Variants in KHDRBS2 observed in about 807,000 individuals in gnomAD.
KHDRBS2 encodes the protein KH RNA binding domain containing, signal transduction associated 2, also known as KH domain-containing, RNA-binding, signal transduction-associated protein 2.
A neutral mutation model predicts 44.3 loss-of-function variants in KHDRBS2; 26 were observed. The observed-to-expected ratio is 0.59, with a 90% confidence interval of 0.43 to 0.81. KHDRBS2 has a LOEUF of 0.81. Among genes scored for constraint, KHDRBS2 ranks in the 40% least tolerant of loss-of-function variants. The pLI is 0.00. For synonymous variants in KHDRBS2, 194 were observed against 151.1 expected, an observed-to-expected ratio of 1.28 and a Z score of -2.08; for missense variants, 476 against 433.1, an observed-to-expected ratio of 1.10 and a Z score of -0.88.
intron 6 of KHDRBS2, among the ~76,000 whole-genome samples, chr6:61,776,357 C>T (rs1388285851): frequency 6.6e-6 from 1 of 151,984 alleles, no homozygotes; most frequent in East Asian, 1.9e-4. Context: ...AACAGGCAAC[C>T]TACAAAATGG....
chr6:61,738,457 A>G (rs1472983664), intron 6 of KHDRBS2, among the ~76,000 whole-genome samples: 1 of 151,976 alleles, frequency 6.6e-6, no homozygotes, highest in Non-Finnish European at 1.5e-5. Flanking sequence ...ACAAGTCCTT[A>G]TAGGATCCTT....
intron 6 of KHDRBS2, among the ~76,000 whole-genome samples, chr6:61,888,330 C>T (rs1442936352): frequency 1.3e-5 from 2 of 152,126 alleles, no homozygotes; most frequent in African/African-American, 4.8e-5. Context: ...GGCTGAATGC[C>T]ATTTTCCCAC....
chr6:62,100,964 T>C (rs1473104926), intron 2 of KHDRBS2, among the ~76,000 whole-genome samples: 1 of 152,176 alleles, frequency 6.6e-6, no homozygotes, highest in Admixed American at 6.5e-5. Flanking sequence ...AGAATAAACA[T>C]TCAACACTCA....
intron 3 of KHDRBS2, among the ~76,000 whole-genome samples, chr6:62,015,667 T>G (rs1314897876): frequency 6.6e-6 from 1 of 152,122 alleles, no homozygotes; most frequent in Admixed American, 6.6e-5. Context: ...TACTCAGAGA[T>G]ACACAAAGCA....
chr6:61,676,403 G>T (rs1435167155), downstream of KHDRBS2, among the ~76,000 whole-genome samples: 1 of 151,798 alleles, frequency 6.6e-6, no homozygotes, highest in Non-Finnish European at 1.5e-5. Flanking sequence ...ATTTTGATCA[G>T]AAGTTCCTTT....
At chr6:62,041,687 T>C (rs1205021550) in intron 3 of KHDRBS2, among the ~76,000 whole-genome samples, 2 of 152,084 alleles carry the variant, frequency 1.3e-5, no homozygotes, top group African/African-American at 4.8e-5. Context: ...TGTCATTAGG[T>C]CCCTGAAAGT....
chr6:62,168,417 C>T (rs116361349), intron 2 of KHDRBS2, among the ~76,000 whole-genome samples: 4 of 152,110 alleles, frequency 2.6e-5, no homozygotes, highest in Non-Finnish European at 5.9e-5. Context: ...CAAACAGGTA[C>T]ACCAGCAAGC....
chr6:62,169,673 C>T (rs1819613836), intron 2 of KHDRBS2, among the ~76,000 whole-genome samples: 2 of 152,072 alleles, frequency 1.3e-5, no homozygotes, highest in Admixed American at 6.6e-5. Flanking sequence ...ACTCTCTTGA[C>T]AGGGACCTGT....
chr6:61,945,450 C>G (rs1394794810), intron 4 of KHDRBS2, among the ~76,000 whole-genome samples: 1 of 151,716 alleles, frequency 6.6e-6, no homozygotes, highest in Non-Finnish European at 1.5e-5. Context: ...TCCATTACTA[C>G]AAGCTTTATT....
At chr6:62,066,324 G>A (rs550302356) in intron 2 of KHDRBS2, among the ~76,000 whole-genome samples, 2 of 151,728 alleles carry the variant, frequency 1.3e-5, no homozygotes, top group African/African-American at 4.8e-5. Flanking sequence ...GTGAAATGTG[G>A]CTGCACAATT....
chr6:62,024,897 C>T (rs1015284585), intron 3 of KHDRBS2, among the ~76,000 whole-genome samples: 1 of 151,442 alleles, frequency 6.6e-6, no homozygotes, highest in African/African-American at 2.4e-5. Context: ...AACAATAATA[C>T]AACAAATAGA....
At chr6:62,054,174 G>A (rs1789741151) in intron 2 of KHDRBS2, among the ~76,000 whole-genome samples, 1 of 151,962 alleles carries the variant, frequency 6.6e-6, no homozygotes, top group Non-Finnish European at 1.5e-5. Context: ...TTATTAGTTG[G>A]TCCTAAAATT....
intron 4 of KHDRBS2, among the ~76,000 whole-genome samples, chr6:61,908,418 A>G (rs144541419): frequency 0.011 from 1,623 of 152,032 alleles, 12 homozygotes; most frequent in Middle Eastern, 0.02. Context: ...GCAGATCACA[A>G]GGTCAGGAGA....
intron 6 of KHDRBS2, among the ~76,000 whole-genome samples, chr6:61,864,791 G>C (rs1797544864): frequency 6.6e-6 from 1 of 152,140 alleles, no homozygotes; most frequent in South Asian, 2.1e-4. Flanking sequence ...TGCATTTCCT[G>C]AATTTGAATG....
At chr6:61,780,331 C>T (rs1456909053) in intron 6 of KHDRBS2, among the ~76,000 whole-genome samples, 1 of 152,080 alleles carries the variant, frequency 6.6e-6, no homozygotes, top group Non-Finnish European at 1.5e-5. Context: ...GAAACCCCAT[C>T]TCTACTAAAA....
At chr6:61,590,597 G>A in the KHDRBS2 span, among the ~76,000 whole-genome samples, 1 of 152,136 alleles carries the variant, frequency 6.6e-6, no homozygotes, top group Non-Finnish European at 1.5e-5. Context: ...CTCACAGTAG[G>A]ACTTCTCTTC....
intron 4 of KHDRBS2, among the ~76,000 whole-genome samples, chr6:61,950,711 C>A (rs919367881): frequency 5.3e-5 from 8 of 152,016 alleles, no homozygotes; most frequent in Non-Finnish European, 1.0e-4. Flanking sequence ...TGATATTTTC[C>A]TGAAGCTCAT....
At chr6:61,911,757 A>G (rs1806085430) in intron 4 of KHDRBS2, among the ~76,000 whole-genome samples, 1 of 152,092 alleles carries the variant, frequency 6.6e-6, no homozygotes, top group South Asian at 2.1e-4. Context: ...TATTTTTGAC[A>G]AGCTACTCTG....
chr6:61,557,585 T>C, the KHDRBS2 span, among the ~76,000 whole-genome samples: 4 of 152,220 alleles, frequency 2.6e-5, no homozygotes, highest in African/African-American at 4.8e-5. Flanking sequence ...TATTGGCCTG[T>C]AGTTTTCTTT....
Sources: allele counts gnomAD v4.1 joint callset (sites outside exome capture counted in the v4.1 genomes callset), GRCh38; gene constraint gnomAD v4.1.1; transcripts MANE v1.5; gene names NCBI Gene and HGNC (gene_info 2026-07-23, HGNC 2026-07-21).